Variants in CEMIP observed in about 807,000 individuals in gnomAD.
CEMIP encodes the protein cell migration-inducing and hyaluronan-binding protein.
In CEMIP, 105 loss-of-function variants were observed where a neutral mutation model predicts 156.9. The ratio of observed to expected loss-of-function variants is 0.67; its 90% CI spans 0.57 to 0.79. The LOEUF (loss-of-function observed/expected upper bound fraction) is 0.79, where lower values mean the gene tolerates loss of function less well. Among genes scored for constraint, CEMIP ranks in the 30% least tolerant of loss-of-function variants. CEMIP has a pLI of 0.00. For missense variants in CEMIP, 1,457 were observed against 1,769.4 expected (o/e 0.82, Z 3.17); for synonymous variants, 676 against 668.4 (o/e 1.01, Z -0.17).
chr15:80,855,078 T>C (rs1897817671), intron 1 of CEMIP, among the ~76,000 whole-genome samples: 1 of 152,132 alleles, frequency 6.6e-6, no homozygotes, highest in Non-Finnish European at 1.5e-5. Context: ...TCCTAGCCAC[T>C]CAGGTGGCTG....
In CEMIP at chr15:80,909,314, C is replaced by A. The variant is rs750177478; in HGVS notation, c.1797+8C>A. The A allele has an allele frequency of 1.2e-6, 2 of 1,613,808 alleles. No individual in the cohort carries two copies. The highest frequency in any genetic ancestry group is 1.7e-6 in the Non-Finnish European group (2 of 1,179,808). Reference sequence around the variant, plus strand: ...GGCTCCAATGGCTTGTTGGTAAGAACCTCCTTCCCTCAGGGAACTCTGGGG... The same window carrying A: ...GGCTCCAATGGCTTGTTGGTAAGAAACTCCTTCCCTCAGGGAACTCTGGGG... On this transcript the variant is annotated splice_region_variant and intron_variant, in intron 14 of 29. Transcript: ENST00000394685.
At chr15:80,888,227 C>T (rs1898916239) in intron 8 of CEMIP, among the ~76,000 whole-genome samples, 1 of 152,006 alleles carries the variant, frequency 6.6e-6, no homozygotes, top group Admixed American at 6.6e-5. Flanking sequence ...AAAGAATTAG[C>T]CAGGCATGGT....
chr15:80,806,288 T>C (rs990800619), intron 1 of CEMIP, among the ~76,000 whole-genome samples: 48 of 152,102 alleles, frequency 3.2e-4, no homozygotes, highest in African/African-American at 1.2e-3. Flanking sequence ...GCAGATGGCG[T>C]TGAAATTGTG....
At chr15:80,782,226 T>C (rs1895816883) in intron 1 of CEMIP, among the ~76,000 whole-genome samples, 1 of 152,210 alleles carries the variant, frequency 6.6e-6, no homozygotes, top group African/African-American at 2.4e-5. Context: ...GTGGCTTTGT[T>C]GTCTTTCTGC....
At chr15:80,831,164 G>T (rs1042115104) in intron 1 of CEMIP, among the ~76,000 whole-genome samples, 2 of 152,160 alleles carry the variant, frequency 1.3e-5, no homozygotes, top group Non-Finnish European at 2.9e-5. Flanking sequence ...ATAGGACTCC[G>T]CGTGTTTGAG....
intron 1 of CEMIP, among the ~76,000 whole-genome samples, chr15:80,809,550 AAAC>A (rs1431551717): frequency 2.0e-5 from 3 of 152,208 alleles, no homozygotes; most frequent in African/African-American, 7.2e-5. Context: ...GCCATACTTA[AAAC>A]AACACCAAGT....
rs116806582 is a variant in CEMIP, at chr15:80,883,085, G to A, written c.618-1090G>A. Among the ~76,000 whole-genome samples, 554 of 152,180 alleles carry A rather than the reference G, an allele frequency of 3.6e-3. 2 individuals carry two copies. The highest frequency in any genetic ancestry group is 0.013 in the African/African-American group (524 of 41,514). ...CAGGAGCAGCTATCCAGCTACCACC[G>A]GTACCAACATTGTTTTTCTTTTCCA... On this transcript the variant is annotated intron_variant, in intron 6 of 29. Coordinates refer to ENST00000394685, the MANE Select transcript of CEMIP (RefSeq NM_001293298.2).
chr15:80,866,584 C>G (rs1039175795), intron 1 of CEMIP, among the ~76,000 whole-genome samples: 1 of 136,274 alleles, frequency 7.3e-6, no homozygotes, highest in African/African-American at 2.8e-5. Context: ...GAGTGAGACT[C>G]TGTCTTAAAA....
chr15:80,877,245 T>G (rs1898506438), intron 3 of CEMIP, among the ~76,000 whole-genome samples: 1 of 152,164 alleles, frequency 6.6e-6, no homozygotes, highest in Non-Finnish European at 1.5e-5. Flanking sequence ...AACCATAGCA[T>G]GCACTGAAGC....
At chr15:80,842,057 T>G (rs752094469) in intron 1 of CEMIP, 6 of 530,236 alleles carry the variant, frequency 1.1e-5, no homozygotes, top group South Asian at 8.5e-5. Flanking sequence ...CTCAATATAT[T>G]CTTGAGTTGC....
chr15:80,947,097 C>T, intron 29 of CEMIP, 32 bp downstream of exon 29: 1 of 1,430,622 alleles, frequency 7.0e-7, no homozygotes, highest in Non-Finnish European at 9.9e-7. Context: ...TAAACTGACC[C>T]CAAAACCAGA....
intron 1 of CEMIP, among the ~76,000 whole-genome samples, chr15:80,804,922 T>C (rs1318662003): frequency 6.6e-6 from 1 of 152,158 alleles, no homozygotes; most frequent in Non-Finnish European, 1.5e-5. Context: ...TCATCGCTCA[T>C]GTAGAAGGTA....
intron 1 of CEMIP, among the ~76,000 whole-genome samples, chr15:80,830,290 G>T (rs1897130841): frequency 6.6e-6 from 1 of 152,106 alleles, no homozygotes. Flanking sequence ...TCAACTTCCT[G>T]CAGTCATTAC....
chr15:80,873,836 T>C, intron 2 of CEMIP, 28 bp from the exon 3 acceptor site: 1 of 1,509,738 alleles, frequency 6.6e-7, no homozygotes, highest in Non-Finnish European at 9.0e-7. Context: ...CAAGGCTGCA[T>C]GTCTGACTCT....
chr15:80,789,887 G>A (rs1041226754), intron 1 of CEMIP, among the ~76,000 whole-genome samples: 13 of 152,166 alleles, frequency 8.5e-5, no homozygotes, highest in African/African-American at 2.2e-4. Context: ...TGATACTTCC[G>A]TTGAATCTTG....
chr15:80,838,202 T>G (rs1222801025), intron 1 of CEMIP, among the ~76,000 whole-genome samples: 1 of 151,892 alleles, frequency 6.6e-6, no homozygotes, highest in African/African-American at 2.4e-5. Context: ...GAGCGGAGGG[T>G]GGGGACGAGT....
intron 7 of CEMIP, among the ~76,000 whole-genome samples, chr15:80,885,517 A>G (rs1198805663): frequency 2.0e-5 from 3 of 152,248 alleles, no homozygotes; most frequent in Admixed American, 6.5e-5. Context: ...AGGCCAGTTT[A>G]TTAATTTACA....
intron 1 of CEMIP, among the ~76,000 whole-genome samples, chr15:80,794,119 T>C (rs192636540): frequency 6.6e-6 from 1 of 152,362 alleles, no homozygotes. Flanking sequence ...CTGTTGTCTG[T>C]GATTTTTATC....
intron 4 of CEMIP, 152 bp from the exon 5 acceptor site, chr15:80,879,564 G>C (rs981661798): frequency 1.1e-6 from 1 of 899,460 alleles, no homozygotes; most frequent in African/African-American, 1.6e-5. Flanking sequence ...GACTTTACTT[G>C]TAAGTACACC....
Sources: gnomAD v4.1 joint callset for allele counts (sites outside exome capture counted in the v4.1 genomes callset) on GRCh38, gnomAD v4.1.1 for gene constraint, MANE v1.5 for transcripts, NCBI Gene and HGNC (gene_info 2026-07-23, HGNC 2026-07-21) for gene names.